The following HS3ST5 variants were observed in gnomAD, a reference collection of about 807,000 sequenced individuals.
The protein encoded by HS3ST5 is heparan sulfate-glucosamine 3-sulfotransferase 5.
Under a neutral mutation model 25.4 loss-of-function variants are expected in HS3ST5, and 10 were observed. The ratio of observed to expected loss-of-function variants is 0.39; its 90% CI spans 0.24 to 0.67. The LOEUF (loss-of-function observed/expected upper bound fraction) is 0.67, where lower values mean the gene tolerates loss of function less well. HS3ST5 is among the 30% of genes least tolerant of loss of function. The pLI, the probability that HS3ST5 is intolerant of heterozygous loss-of-function variation, is 0.44. For synonymous variants in HS3ST5, 170 were observed against 162.4 expected (o/e 1.05, Z -0.36); for missense variants, 324 against 420.7 (o/e 0.77, Z 2.01).
chr6:114,140,998 C>T (rs1467905438), intron 3 of HS3ST5, among the ~76,000 whole-genome samples: 1 of 152,130 alleles, frequency 6.6e-6, no homozygotes, highest in Non-Finnish European at 1.5e-5. Flanking sequence ...AAATCAAGTA[C>T]TCAATAAGTA....
intron 2 of HS3ST5, among the ~76,000 whole-genome samples, chr6:114,206,489 A>G (rs1467206272): frequency 6.6e-6 from 1 of 152,142 alleles, no homozygotes; most frequent in Non-Finnish European, 1.5e-5. Flanking sequence ...AAAAATTCTT[A>G]TTAACTCAGT....
intron 1 of HS3ST5, among the ~76,000 whole-genome samples, chr6:114,296,273 A>G (rs775441534): frequency 2.2e-4 from 34 of 152,206 alleles, no homozygotes; most frequent in Non-Finnish European, 3.2e-4. Flanking sequence ...ATGCCACGTC[A>G]TAGAAGTAAT....
chr6:114,258,732 C>T (rs1035191948), intron 1 of HS3ST5, among the ~76,000 whole-genome samples: 2 of 152,120 alleles, frequency 1.3e-5, no homozygotes, highest in Admixed American at 1.3e-4. Context: ...GGTATTCTGA[C>T]CTCTTGCTAT....
chr6:114,253,591 C>T (rs1301299586), intron 1 of HS3ST5, among the ~76,000 whole-genome samples: 1 of 152,182 alleles, frequency 6.6e-6, no homozygotes, highest in African/African-American at 2.4e-5. Flanking sequence ...GCAGAGGAGG[C>T]TGTGGGCTTG....
At chr6:114,132,272 G>C (rs1341378029) in intron 3 of HS3ST5, 1 of 152,150 alleles carries the variant, frequency 6.6e-6, no homozygotes, top group Non-Finnish European at 1.5e-5. Context: ...TTTATTGCTT[G>C]TTCCCACAAT....
intron 2 of HS3ST5, among the ~76,000 whole-genome samples, chr6:114,200,077 C>T (rs775630452): frequency 1.3e-5 from 2 of 152,140 alleles, no homozygotes; most frequent in Non-Finnish European, 2.9e-5. Flanking sequence ...ATTAGCTGGG[C>T]GTGGTAGCAC....
At chr6:114,284,174 C>T (rs1486448591) in intron 1 of HS3ST5, among the ~76,000 whole-genome samples, 1 of 151,956 alleles carries the variant, frequency 6.6e-6, no homozygotes, top group Non-Finnish European at 1.5e-5. Context: ...TATAGGGGAA[C>T]TTAAAAGCCA....
At chr6:114,168,489 A>AT (rs1161002510) in intron 2 of HS3ST5, 27 bp from the exon 3 acceptor site, 1 of 152,150 alleles carries the variant, frequency 6.6e-6, no homozygotes, top group Admixed American at 6.6e-5. Context: ...AGGCAAAGTG[A>AT]TTTTCCAATT....
chr6:114,145,352 G>T (rs1292551174), intron 3 of HS3ST5, among the ~76,000 whole-genome samples: 1 of 152,166 alleles, frequency 6.6e-6, no homozygotes. Flanking sequence ...TTCTCAAAAT[G>T]GTTTAGTGTG....
intron 2 of HS3ST5, among the ~76,000 whole-genome samples, chr6:114,179,923 G>A (rs1779892831): frequency 6.6e-6 from 1 of 152,096 alleles, no homozygotes; most frequent in Admixed American, 6.6e-5. Context: ...GAAGAACGTG[G>A]AGTCTGATGT....
chr6:114,325,505 G>A (rs1254070469), intron 1 of HS3ST5, among the ~76,000 whole-genome samples: 1 of 152,106 alleles, frequency 6.6e-6, no homozygotes, highest in Non-Finnish European at 1.5e-5. Flanking sequence ...TATAACTGTT[G>A]AACATGTGAA....
At chr6:114,321,025 A>G (rs1308647744) in intron 1 of HS3ST5, among the ~76,000 whole-genome samples, 2 of 151,452 alleles carry the variant, frequency 1.3e-5, no homozygotes, top group Non-Finnish European at 1.5e-5. Context: ...TAACTTCCCA[A>G]ATTTCTGGGA....
At chr6:114,116,251 A>T (rs1439395376) in intron 3 of HS3ST5, 1 of 152,144 alleles carries the variant, frequency 6.6e-6, no homozygotes, top group Non-Finnish European at 1.5e-5. Flanking sequence ...GATTACCTTT[A>T]AAGATATTCT....
At chr6:114,131,321 C>G (rs1777321018) in intron 3 of HS3ST5, 1 of 152,064 alleles carries the variant, frequency 6.6e-6, no homozygotes, top group Admixed American at 6.5e-5. Flanking sequence ...AAGTAGAATA[C>G]AAGGGAGGAA....
intron 3 of HS3ST5, among the ~76,000 whole-genome samples, chr6:114,117,928 A>G (rs548709528): frequency 3.3e-5 from 5 of 152,304 alleles, no homozygotes; most frequent in Admixed American, 2.6e-4. Context: ...ATAGTGTCTC[A>G]TATTCTGAAA....
chr6:114,325,662 CA>C (rs1227421426), intron 1 of HS3ST5, among the ~76,000 whole-genome samples: 5 of 151,672 alleles, frequency 3.3e-5, no homozygotes, highest in African/African-American at 4.9e-5. Context: ...CACACAAAAA[CA>C]AAACAAAACA....
chr6:114,076,712 C>T (rs193189027), intron 3 of HS3ST5, among the ~76,000 whole-genome samples: 42 of 152,130 alleles, frequency 2.8e-4, no homozygotes, highest in African/African-American at 8.2e-4. Flanking sequence ...ATAATAATTA[C>T]GTAAGAGCAC....
intron 1 of HS3ST5, among the ~76,000 whole-genome samples, chr6:114,331,635 A>G (rs899762176): frequency 6.6e-6 from 1 of 152,098 alleles, no homozygotes; most frequent in African/African-American, 2.4e-5. Flanking sequence ...TATTTTTGAA[A>G]CTAATTTCTT....
chr6:114,326,383 C>T (rs747618336), intron 1 of HS3ST5, among the ~76,000 whole-genome samples: 2 of 150,588 alleles, frequency 1.3e-5, no homozygotes, highest in African/African-American at 2.5e-5. Flanking sequence ...GAGTGAGACT[C>T]TGTCTCAAAC....
Sources: gnomAD v4.1 joint callset for allele counts (sites outside exome capture counted in the v4.1 genomes callset) on GRCh38, gnomAD v4.1.1 for gene constraint, MANE v1.5 for transcripts, NCBI Gene and HGNC (gene_info 2026-07-23, HGNC 2026-07-21) for gene names.